The following SBF2 variants were observed in gnomAD, a reference collection of about 807,000 sequenced individuals.
The protein encoded by SBF2 is myotubularin-related protein 13.
In SBF2, 112 loss-of-function variants were observed where a neutral mutation model predicts 225.2. The ratio of observed to expected loss-of-function variants is 0.50; its 90% confidence interval spans 0.43 to 0.58. The LOEUF is 0.58. Ranked by LOEUF, SBF2 falls within the 20% of genes least tolerant of loss-of-function variation. The pLI, the probability that SBF2 is intolerant of heterozygous loss-of-function variation, is 0.00. For synonymous variants in SBF2, 763 were observed against 773.3 expected, an observed-to-expected ratio of 0.99 and a Z score of 0.22; for missense variants, 1,996 against 2,206.2, an observed-to-expected ratio of 0.90 and a Z score of 1.91.
At position 9,829,008 on chromosome 11, in the gene SBF2, C is replaced by A. The variant is rs543301356; in HGVS notation, c.3793+348G>T. 2.0e-5 allele frequency among the ~76,000 whole-genome samples: 3 copies of A among 152,238 alleles called. No individual in the cohort carries two copies. The East Asian group carries it at 5.8e-4, about 29-fold the overall frequency. On this transcript the variant is annotated intron_variant, in intron 28 of 39. Transcript: ENST00000256190. Reference sequence around the variant, plus strand: ...GAAAAGGAAATAACTGAGCTCACACCTCACACCTGTAATCTCAGTACTTTG... The same window carrying A: ...GAAAAGGAAATAACTGAGCTCACACATCACACCTGTAATCTCAGTACTTTG...
chr11:9,972,516 T>G (rs191095179), intron 13 of SBF2, among the ~76,000 whole-genome samples: 1 of 152,198 alleles, frequency 6.6e-6, no homozygotes, highest in Admixed American at 6.5e-5. Flanking sequence ...AGTTTCACTT[T>G]GTTGTCCAGG....
At chr11:10,095,746 T>A (rs1951991707) in intron 2 of SBF2, among the ~76,000 whole-genome samples, 1 of 152,178 alleles carries the variant, frequency 6.6e-6, no homozygotes. Context: ...TCACACATAC[T>A]GATTTTAATC....
At chr11:10,248,449 C>T (rs982064166) in intron 1 of SBF2, among the ~76,000 whole-genome samples, 21 of 152,278 alleles carry the variant, frequency 1.4e-4, no homozygotes, top group African/African-American at 4.8e-4. Context: ...TTAGGTAAGG[C>T]TTGGGACTTG....
intron 17 of SBF2, among the ~76,000 whole-genome samples, chr11:9,876,601 C>A (rs1367096061): frequency 1.3e-5 from 2 of 152,146 alleles, no homozygotes; most frequent in Non-Finnish European, 2.9e-5. Context: ...CATCTGCAAC[C>A]CAGAAAGAAA....
intron 1 of SBF2, among the ~76,000 whole-genome samples, chr11:10,199,834 G>C (rs1210970611): frequency 6.6e-6 from 1 of 152,112 alleles, no homozygotes; most frequent in Non-Finnish European, 1.5e-5. Context: ...TGTGCATGTT[G>C]ATGGCAATGT....
intron 16 of SBF2, chr11:9,957,623 C>G (rs1461714402): frequency 6.6e-6 from 1 of 151,928 alleles, no homozygotes; most frequent in Admixed American, 6.6e-5. Flanking sequence ...CCATGCCCGG[C>G]TAATTTTTTG....
chr11:9,788,852 G>C (rs1051345576), intron 35 of SBF2, among the ~76,000 whole-genome samples: 1 of 150,842 alleles, frequency 6.6e-6, no homozygotes, highest in East Asian at 2.0e-4. Context: ...TGATCTGCCC[G>C]CCTCAGCCTC....
rs183119353 is a variant in SBF2 at position 9,919,403 on chromosome 11, C to T, written c.1861-23392G>A. 1.4e-3 allele frequency among the ~76,000 whole-genome samples: 208 copies of T among 152,008 alleles called. 3 individuals carry two copies. The highest frequency in any genetic ancestry group is 0.012 in the Admixed American group (182 of 15,248). On this transcript the variant is annotated intron_variant, in intron 16 of 39. Transcript: ENST00000256190. The stretch of plus-strand genomic sequence containing the variant: ...GAGTTAAAGAAGGAAGGGGTTTATT[C>T]GGCTGGGGGCATCGGCAAGACTCCT...
At chr11:10,009,657 C>T (rs892726970) in intron 6 of SBF2, among the ~76,000 whole-genome samples, 1 of 152,186 alleles carries the variant, frequency 6.6e-6, no homozygotes, top group Non-Finnish European at 1.5e-5. Context: ...TCCAGTCTAT[C>T]ATTGATGGAC....
At chr11:9,801,055 T>C (rs1372649522) in intron 32 of SBF2, among the ~76,000 whole-genome samples, 1 of 152,234 alleles carries the variant, frequency 6.6e-6, no homozygotes, top group Non-Finnish European at 1.5e-5. Flanking sequence ...TTCAAATAAA[T>C]TTAGCCTTAT....
chr11:10,274,548 C>T (rs998946258), intron 1 of SBF2, among the ~76,000 whole-genome samples: 3 of 152,130 alleles, frequency 2.0e-5, no homozygotes, highest in Admixed American at 1.3e-4. Context: ...GTCAGGAGTT[C>T]AAGACCAGCC....
At chr11:10,031,195 A>G (rs1324879910) in intron 3 of SBF2, 25 bp from the exon 4 acceptor site, 1 of 1,611,602 alleles carries the variant, frequency 6.2e-7, no homozygotes, top group Non-Finnish European at 8.5e-7. Context: ...ACTGAAATCA[A>G]CAAACAGAAG....
intron 1 of SBF2, among the ~76,000 whole-genome samples, chr11:10,258,123 T>G (rs1961055396): frequency 6.6e-6 from 1 of 150,602 alleles, no homozygotes; most frequent in African/African-American, 2.4e-5. Flanking sequence ...TTTTTTTTTT[T>G]GAGACAGGAT....
chr11:10,240,262 A>C lies in SBF2; in HGVS notation c.56-46275T>G, dbSNP rs562136558. 1.6e-3 allele frequency among the ~76,000 whole-genome samples: 235 copies of C among 147,612 alleles called. 2 individuals are homozygous for C. Among genetic ancestry groups the C allele is most frequent in the East Asian group, 4.2e-3 (20 of 4,748 alleles). On this transcript the variant is annotated intron_variant, in intron 1 of 39. Transcript: ENST00000256190. ...GATATGCATACAATTAAAAGAACAA[A>C]AAAAAAAAAAAAACAGGATAACCTG...
At chr11:10,074,250 C>T (rs1951008795) in intron 2 of SBF2, among the ~76,000 whole-genome samples, 1 of 152,082 alleles carries the variant, frequency 6.6e-6, no homozygotes, top group Non-Finnish European at 1.5e-5. Context: ...ATGTTTTTAA[C>T]AAGAAAACCA....
chr11:10,226,575 A>C (rs531601304), intron 1 of SBF2, among the ~76,000 whole-genome samples: 19 of 149,934 alleles, frequency 1.3e-4, no homozygotes, highest in Non-Finnish European at 3.0e-5. Context: ...TGAGAACATG[A>C]GGTGTTTGGT....
rs535994638 is a variant in SBF2, at chr11:10,133,400, G to A, written c.141+60502C>T. ...CTCGGGCCGCACAGGAGCCCATGGA[G>A]TGGGTGGGAGGCTTAGGCATGGCGG... On this transcript the variant is annotated intron_variant, in intron 2 of 39. Transcript: ENST00000256190. Among the ~76,000 whole-genome samples the A allele has an allele frequency of 1.6e-3, 246 of 149,548 alleles. 21 individuals carry two copies. Among genetic ancestry groups the A allele is most frequent in the African/African-American group, 5.6e-3 (226 of 40,696 alleles).
intron 13 of SBF2, among the ~76,000 whole-genome samples, chr11:9,969,285 C>T (rs1488242375): frequency 1.3e-5 from 2 of 152,194 alleles, no homozygotes; most frequent in African/African-American, 2.4e-5. Flanking sequence ...CAACACCTCA[C>T]GTTACAGCAA....
intron 1 of SBF2, among the ~76,000 whole-genome samples, chr11:10,226,720 A>T (rs1330401395): frequency 1.3e-5 from 2 of 152,156 alleles, no homozygotes; most frequent in Non-Finnish European, 2.9e-5. Flanking sequence ...TTCTTAATCC[A>T]GTCTATCATT....
Sources: allele counts gnomAD v4.1 joint callset (sites outside exome capture counted in the v4.1 genomes callset), GRCh38; gene constraint gnomAD v4.1.1; transcripts MANE v1.5; gene names NCBI Gene and HGNC (gene_info 2026-07-23, HGNC 2026-07-21).